Variants in EYS observed in about 807,000 individuals in gnomAD.
EYS encodes the protein EGF-like photoreceptor maintenance factor, also known as protein eyes shut homolog.
A neutral mutation model predicts 282.1 loss-of-function variants in EYS; 250 were observed. The observed-to-expected ratio is 0.89, with a 90% CI of 0.80 to 0.98. The LOEUF (loss-of-function observed/expected upper bound fraction) is 0.98. EYS is among the 50% of genes least tolerant of loss of function. The pLI is 0.00. For synonymous variants in EYS, 1,355 were observed against 1,282.9 expected, an observed-to-expected ratio of 1.06 and a Z score of -1.20; for missense variants, 4,016 against 3,709.0, an observed-to-expected ratio of 1.08 and a Z score of -2.15.
chr6:64,948,888 G>C (rs1255574912), intron 14 of EYS, among the ~76,000 whole-genome samples: 3 of 151,570 alleles, frequency 2.0e-5, no homozygotes, highest in Non-Finnish European at 4.4e-5. Context: ...TAAAAACACA[G>C]GTCTACAATA....
intron 30 of EYS, among the ~76,000 whole-genome samples, chr6:64,298,556 T>A (rs1012331102): frequency 4.0e-5 from 6 of 151,856 alleles, no homozygotes; most frequent in Non-Finnish European, 8.8e-5. Flanking sequence ...TTAGAAAAAA[T>A]TTTAAATACT....
intron 1 of EYS, among the ~76,000 whole-genome samples, chr6:65,654,027 C>A (rs186127200): frequency 4.6e-5 from 7 of 151,838 alleles, no homozygotes; most frequent in African/African-American, 1.7e-4. Flanking sequence ...AAGTAAGTTT[C>A]ATTGATATAA....
intron 14 of EYS, among the ~76,000 whole-genome samples, chr6:64,957,011 T>A (rs1452747086): frequency 6.6e-6 from 1 of 152,142 alleles, no homozygotes; most frequent in Non-Finnish European, 1.5e-5. Flanking sequence ...GGAAAACAAT[T>A]TGAGGTTCCT....
At chr6:64,927,427 A>G (rs929298809) in intron 15 of EYS, among the ~76,000 whole-genome samples, 3 of 152,208 alleles carry the variant, frequency 2.0e-5, no homozygotes, top group Non-Finnish European at 4.4e-5. Flanking sequence ...ATACACTAAT[A>G]AAAGTTATTG....
At chr6:65,093,404 T>G (rs1336905593) in intron 12 of EYS, among the ~76,000 whole-genome samples, 1 of 151,858 alleles carries the variant, frequency 6.6e-6, no homozygotes, top group African/African-American at 2.4e-5. Context: ...TAGTAGATAA[T>G]TCTAATATAA....
At chr6:64,783,915 G>A (rs1355593519) in intron 22 of EYS, among the ~76,000 whole-genome samples, 1 of 152,060 alleles carries the variant, frequency 6.6e-6, no homozygotes, top group East Asian at 1.9e-4. Context: ...TTATTTTAGA[G>A]ACAGAAAGTC....
intron 2 of EYS, among the ~76,000 whole-genome samples, chr6:65,580,664 TTAAAA>T (rs1176051309): frequency 1.3e-5 from 2 of 152,072 alleles, no homozygotes; most frequent in Admixed American, 1.3e-4. Flanking sequence ...TGTATAAAAA[TTAAAA>T]TGAAATGAGA....
chr6:64,031,579 G>A (rs887513775), intron 33 of EYS, among the ~76,000 whole-genome samples: 2 of 151,970 alleles, frequency 1.3e-5, no homozygotes, highest in African/African-American at 2.4e-5. Context: ...TGAAGCCAGC[G>A]GGGCTCCTGA....
intron 11 of EYS, chr6:65,332,007 G>T (rs959933094): frequency 5.6e-6 from 1 of 177,840 alleles, no homozygotes; most frequent in African/African-American, 2.4e-5. Context: ...AATTTTTTGA[G>T]TATATACTAG....
At chr6:65,405,472 T>C (rs981582592) in intron 5 of EYS, 105 bp from the exon 6 acceptor site, 8 of 904,716 alleles carry the variant, frequency 8.8e-6, no homozygotes, top group Non-Finnish European at 1.4e-5. Context: ...CTAGAGTTTA[T>C]GAAATATTTT....
chr6:64,264,895 C>T (rs985811076), intron 30 of EYS, among the ~76,000 whole-genome samples: 2 of 151,994 alleles, frequency 1.3e-5, no homozygotes, highest in African/African-American at 4.8e-5. Flanking sequence ...AAGAGTGAGA[C>T]TGTCTCAAAA....
intron 1 of EYS, among the ~76,000 whole-genome samples, chr6:65,681,778 C>A (rs1768831731): frequency 6.6e-6 from 1 of 151,888 alleles, no homozygotes; most frequent in Non-Finnish European, 1.5e-5. Flanking sequence ...CCCTGACTTC[C>A]TTCGCCCTTT....
At chr6:65,613,498 GA>G (rs2149796343) in intron 2 of EYS, among the ~76,000 whole-genome samples, 1 of 151,800 alleles carries the variant, frequency 6.6e-6, no homozygotes, top group Non-Finnish European at 1.5e-5. Flanking sequence ...TTTTTAAGTG[GA>G]AAAGAAAGAA....
At chr6:65,610,747 T>C (rs1255419626) in intron 2 of EYS, among the ~76,000 whole-genome samples, 2 of 152,166 alleles carry the variant, frequency 1.3e-5, no homozygotes, top group Non-Finnish European at 2.9e-5. Context: ...AGCTTCCTTA[T>C]GATCAAAGCC....
At chr6:63,929,401 G>GAACA (rs1764819596) in intron 35 of EYS, among the ~76,000 whole-genome samples, 2 of 152,182 alleles carry the variant, frequency 1.3e-5, no homozygotes, top group Non-Finnish European at 2.9e-5. Context: ...AACTGATGGA[G>GAACA]TGTTCTCTCT....
intron 7 of EYS, among the ~76,000 whole-genome samples, chr6:65,392,999 A>C (rs1469387067): frequency 2.0e-5 from 3 of 152,194 alleles, no homozygotes; most frequent in Non-Finnish European, 4.4e-5. Context: ...GCCATAAAAA[A>C]TGATGAGTTC....
chr6:63,880,193 TG>T (rs1277897867), intron 35 of EYS, among the ~76,000 whole-genome samples: 1 of 152,134 alleles, frequency 6.6e-6, no homozygotes, highest in African/African-American at 2.4e-5. Flanking sequence ...GTCAGTGGGC[TG>T]GGGGAGACAG....
chr6:64,583,359 T>A (rs1041221602), intron 26 of EYS, among the ~76,000 whole-genome samples: 5 of 152,072 alleles, frequency 3.3e-5, no homozygotes, highest in African/African-American at 4.8e-5. Flanking sequence ...AGAAAAATGA[T>A]GTTATTGTGT....
At chr6:65,592,243 A>G (rs780826275) in intron 2 of EYS, among the ~76,000 whole-genome samples, 2 of 152,044 alleles carry the variant, frequency 1.3e-5, no homozygotes, top group Non-Finnish European at 2.9e-5. Flanking sequence ...CATTCAGAGT[A>G]AAAGGCAACT....
Sources: allele counts gnomAD v4.1 joint callset (sites outside exome capture counted in the v4.1 genomes callset), GRCh38; gene constraint gnomAD v4.1.1; transcripts MANE v1.5; gene names NCBI Gene and HGNC (gene_info 2026-07-23, HGNC 2026-07-21).